The following FARP2 variants were observed in gnomAD, a reference collection of about 807,000 sequenced individuals.
The protein encoded by FARP2 is FERM, ARHGEF and pleckstrin domain-containing protein 2.
A neutral mutation model predicts 130.5 loss-of-function variants in FARP2; 111 were observed. That is an observed-to-expected ratio of 0.85 (90% CI 0.73 to 1.00). FARP2 has a LOEUF of 1.00. FARP2 is among the 50% of genes least tolerant of loss of function. The pLI is 0.00. For missense variants in FARP2, 1,385 were observed against 1,346.3 expected, an observed-to-expected ratio of 1.03 and a Z score of -0.45; for synonymous variants, 504 against 516.9, an observed-to-expected ratio of 0.98 and a Z score of 0.34.
At chr2:241,462,717 CCTCA>C (rs2064057254) in intron 15 of FARP2, 105 bp downstream of exon 15, 2 of 754,778 alleles carry the variant, frequency 2.6e-6, no homozygotes, top group Non-Finnish European at 4.4e-6. Context: ...TGAGATGGAG[CCTCA>C]CTCTGTCACC....
At chr2:241,426,863 T>G (rs956797633) in intron 8 of FARP2, among the ~76,000 whole-genome samples, 11 of 152,196 alleles carry the variant, frequency 7.2e-5, no homozygotes, top group Non-Finnish European at 1.0e-4. Flanking sequence ...ATTTTCTATT[T>G]ATTTCTCCTT....
At chr2:241,458,704 C>T (rs565474807) in intron 14 of FARP2, among the ~76,000 whole-genome samples, 14 of 152,134 alleles carry the variant, frequency 9.2e-5, no homozygotes, top group Non-Finnish European at 1.9e-4. Flanking sequence ...GGCTACCAAG[C>T]AGTCTGTTAT....
At chr2:241,429,729 C>T (rs1325583828) in intron 8 of FARP2, among the ~76,000 whole-genome samples, 1 of 152,076 alleles carries the variant, frequency 6.6e-6, no homozygotes, top group African/African-American at 2.4e-5. Flanking sequence ...ACAAAAGGTC[C>T]TGCTGGCCTT....
chr2:241,366,748 T>C (rs945417535), intron 1 of FARP2, among the ~76,000 whole-genome samples: 2 of 152,126 alleles, frequency 1.3e-5, no homozygotes, highest in African/African-American at 2.4e-5. Context: ...AGCTGCCTTA[T>C]CACAGAATCA....
intron 18 of FARP2, among the ~76,000 whole-genome samples, chr2:241,471,654 T>C (rs4503983): frequency 0.39 from 58,333 of 150,858 alleles, 11,467 homozygotes; most frequent in Admixed American, 0.52. Flanking sequence ...ACACCACGCC[T>C]GTCTAATTTT....
intron 8 of FARP2, among the ~76,000 whole-genome samples, chr2:241,422,503 A>C (rs934165143): frequency 7.2e-5 from 11 of 152,200 alleles, no homozygotes; most frequent in Admixed American, 6.5e-4. Flanking sequence ...ATAAACCCAC[A>C]GAGATGAGAA....
At chr2:241,485,529 T>G (rs2064731619) in intron 21 of FARP2, among the ~76,000 whole-genome samples, 3 of 146,286 alleles carry the variant, frequency 2.1e-5, no homozygotes, top group Admixed American at 2.0e-4. Flanking sequence ...GATCTCCCCT[T>G]CCTGGGATCT....
At chr2:241,449,181 C>T (rs980274819) in intron 13 of FARP2, among the ~76,000 whole-genome samples, 4 of 152,096 alleles carry the variant, frequency 2.6e-5, no homozygotes, top group East Asian at 1.9e-4. Flanking sequence ...TTCATTTGGC[C>T]GGGCGCGGTG....
chr2:241,362,063 T>C (rs1430978034), intron 1 of FARP2, among the ~76,000 whole-genome samples: 4 of 151,508 alleles, frequency 2.6e-5, no homozygotes, highest in Non-Finnish European at 5.9e-5. Flanking sequence ...CCCAGCCAAT[T>C]TTTTTGTATT....
At chr2:241,363,081 A>G (rs1262187786) in intron 1 of FARP2, among the ~76,000 whole-genome samples, 2 of 152,178 alleles carry the variant, frequency 1.3e-5, no homozygotes, top group Non-Finnish European at 2.9e-5. Context: ...CCAGAATTTG[A>G]AGCACCACTT....
chr2:241,411,880 G>T (rs995344514), intron 6 of FARP2, among the ~76,000 whole-genome samples: 8 of 152,120 alleles, frequency 5.3e-5, no homozygotes, highest in African/African-American at 1.9e-4. Flanking sequence ...TTTTATTATG[G>T]GTTTGCTATC....
intron 12 of FARP2, among the ~76,000 whole-genome samples, chr2:241,438,631 T>TG (rs1212192881): frequency 1.3e-5 from 2 of 149,956 alleles, no homozygotes; most frequent in Non-Finnish European, 1.5e-5. Context: ...GTTTTTTTTT[T>TG]TTGTTTTTTT....
chr2:241,360,640 C>T (rs971106213), intron 1 of FARP2, among the ~76,000 whole-genome samples: 1 of 148,796 alleles, frequency 6.7e-6, no homozygotes, highest in Non-Finnish European at 1.5e-5. Flanking sequence ...CGCCACTGCA[C>T]TCCAGCCTGG....
chr2:241,464,375 A>T (rs1293076650), intron 17 of FARP2, among the ~76,000 whole-genome samples: 2 of 123,012 alleles, frequency 1.6e-5, no homozygotes, highest in South Asian at 2.8e-4. Flanking sequence ...CAGAACAGGG[A>T]CCCCCTCAGA....
intron 18 of FARP2, among the ~76,000 whole-genome samples, 172 bp downstream of exon 18, chr2:241,468,549 G>A (rs1372654103): frequency 1.3e-5 from 2 of 152,242 alleles, no homozygotes. Context: ...CGTCTCCTCT[G>A]GCTGCTGGCA....
intron 18 of FARP2, among the ~76,000 whole-genome samples, chr2:241,469,318 C>T (rs944178744): frequency 2.0e-5 from 3 of 152,106 alleles, no homozygotes; most frequent in African/African-American, 4.8e-5. Context: ...AACTCCTGAC[C>T]TCGTGATCCG....
chr2:241,367,642 T>A (rs1265415574), intron 1 of FARP2, among the ~76,000 whole-genome samples: 1 of 152,100 alleles, frequency 6.6e-6, no homozygotes, highest in African/African-American at 2.4e-5. Flanking sequence ...CGTAGAGGAG[T>A]TTAGTTTTTT....
rs1390257167 is a variant in FARP2, at chr2:241,418,146, A to C, written c.771+37A>C. On this transcript the variant is annotated intron_variant, in intron 8 of 26. Coordinates refer to ENST00000264042, the MANE Select transcript of FARP2 (RefSeq NM_014808.4). ...GGGAAGGGAGGGGTGAGAACAGGGCAGGGGAGGTTTTCTGCAACCTGGTGG... is the reference window on the plus strand; with the variant it reads ...GGGAAGGGAGGGGTGAGAACAGGGCCGGGGAGGTTTTCTGCAACCTGGTGG... 3.1e-6 allele frequency: 5 copies of C among 1,611,354 alleles called. No homozygotes were observed. In the East Asian group the frequency reaches 8.9e-5, roughly 29 times the overall value.
At chr2:241,383,139 T>C (rs1431152027) in intron 2 of FARP2, among the ~76,000 whole-genome samples, 1 of 152,226 alleles carries the variant, frequency 6.6e-6, no homozygotes, top group Non-Finnish European at 1.5e-5. Flanking sequence ...TGGCAGGTAT[T>C]TGCTGAGCCT....
Sources: gnomAD v4.1 joint callset for allele counts (sites outside exome capture counted in the v4.1 genomes callset) on GRCh38, gnomAD v4.1.1 for gene constraint, MANE v1.5 for transcripts, NCBI Gene and HGNC (gene_info 2026-07-23, HGNC 2026-07-21) for gene names.